Variants in SNCAIP observed in about 807,000 individuals in gnomAD.
SNCAIP encodes synuclein alpha interacting protein, also known as synphilin-1.
Under a neutral mutation model 86.7 loss-of-function variants are expected in SNCAIP, and 43 were observed. The observed-to-expected ratio is 0.50, with a 90% confidence interval of 0.39 to 0.64. SNCAIP has a LOEUF of 0.64. SNCAIP is among the 30% of genes least tolerant of loss of function. SNCAIP has a pLI of 0.00. For missense variants in SNCAIP, 981 were observed against 1,103.1 expected (o/e 0.89, Z 1.57); for synonymous variants, 417 against 427.2 (o/e 0.98, Z 0.29).
rs553473278 is a variant in SNCAIP, at chr5:122,425,419, C to T, written c.1070C>T (p.Ala357Val). Residue 357 changes from alanine (A) to valine (V), a missense_variant, in exon 5 of 11, where the codon GCG becomes GTG. Transcript: ENST00000261368. Reference sequence around the variant, plus strand: ...AATGGAAACAATCTATTACATATTGCGGCGTCACAGGGACACGCAGAGTGT... The same window carrying T: ...AATGGAAACAATCTATTACATATTGTGGCGTCACAGGGACACGCAGAGTGT... ...DENGNNLLHI[A>V]ASQGHAECLQ... is the part of the protein sequence containing the mutation. 36 of 1,613,600 alleles carry T rather than the reference C, an allele frequency of 2.2e-5. No homozygotes were observed. Among genetic ancestry groups the T allele is most frequent in the African/African-American group, 2.7e-5 (2 of 75,026 alleles).
At position 122,440,765 on chromosome 5, in the gene SNCAIP, C is replaced by T; in HGVS notation, c.1422+11C>T. ...CTTGGATGCATACAGGTACACAGGC[C>T]CTGCTGTTTTGCAATGAGAAATGAG... On this transcript the variant is annotated intron_variant, in intron 7 of 10. Transcript: ENST00000261368. 1 of 1,613,374 alleles carries T rather than the reference C, an allele frequency of 6.2e-7. No individual in the cohort carries two copies. The highest frequency in any genetic ancestry group is 8.5e-7 in the Non-Finnish European group (1 of 1,179,368).
chr5:122,359,015 T>A (rs1761670184), intron 1 of SNCAIP, among the ~76,000 whole-genome samples: 1 of 147,836 alleles, frequency 6.8e-6, no homozygotes, highest in Non-Finnish European at 1.5e-5. Flanking sequence ...GTTTCTTAAA[T>A]CTAATGTTTT....
At chr5:122,448,740 TAC>T (rs1228270938) in intron 8 of SNCAIP, among the ~76,000 whole-genome samples, 22 of 142,412 alleles carry the variant, frequency 1.5e-4, no homozygotes, top group Non-Finnish European at 2.7e-4. Flanking sequence ...TATATATATA[TAC>T]ACACACACAC....
chr5:122,365,745 T>C (rs1265613618), intron 1 of SNCAIP, among the ~76,000 whole-genome samples: 1 of 152,196 alleles, frequency 6.6e-6, no homozygotes, highest in Non-Finnish European at 1.5e-5. Flanking sequence ...TACTTTTCCA[T>C]TCATTCAAAA....
intron 10 of SNCAIP, among the ~76,000 whole-genome samples, chr5:122,458,639 C>T (rs533957808): frequency 7.2e-5 from 11 of 152,324 alleles, no homozygotes; most frequent in African/African-American, 1.9e-4. Context: ...TTCGTTCCCA[C>T]GCTGAGGACA....
Position 122,320,363 on chromosome 5 carries a change from T to G in SNCAIP, c.-47+8079T>G, listed in dbSNP as rs112658054. Among the ~76,000 whole-genome samples, 1,273 of 152,250 alleles carry G rather than the reference T, an allele frequency of 8.4e-3. 12 individuals carry two copies. Among genetic ancestry groups the G allele is most frequent in the African/African-American group, 0.028 (1,182 of 41,532 alleles). ...CCATGTGACCCCTCTTCCACAGTAT[T>G]TATTGAGGCCTGTATTCTGGGCTCT... On this transcript the variant is annotated intron_variant, in intron 1 of 10. Coordinates refer to ENST00000261368, the MANE Select transcript of SNCAIP (RefSeq NM_005460.4).
intron 7 of SNCAIP, chr5:122,444,224 G>A (rs773175384): frequency 4.4e-5 from 21 of 481,416 alleles, no homozygotes; most frequent in Non-Finnish European, 8.2e-5. Flanking sequence ...CCTCTTACAG[G>A]CATCTCTGAC....
At chr5:122,390,401 G>A (rs976015068) in intron 1 of SNCAIP, among the ~76,000 whole-genome samples, 6 of 152,116 alleles carry the variant, frequency 3.9e-5, no homozygotes, top group Admixed American at 1.3e-4. Flanking sequence ...TGCCCCAGGC[G>A]GCCCTGAGGC....
intron 1 of SNCAIP, among the ~76,000 whole-genome samples, chr5:122,387,130 A>T (rs1768325851): frequency 6.6e-6 from 1 of 152,090 alleles, no homozygotes; most frequent in Non-Finnish European, 1.5e-5. Context: ...GCATAGCAAT[A>T]AAAATCCTAT....
intron 9 of SNCAIP, among the ~76,000 whole-genome samples, chr5:122,450,234 T>C (rs1165880220): frequency 1.3e-5 from 2 of 152,168 alleles, no homozygotes; most frequent in Non-Finnish European, 2.9e-5. Flanking sequence ...GAGATATATA[T>C]ATATAGCTTG....
At chr5:122,363,707 T>C (rs1762625234) in intron 1 of SNCAIP, among the ~76,000 whole-genome samples, 1 of 151,488 alleles carries the variant, frequency 6.6e-6, no homozygotes, top group Non-Finnish European at 1.5e-5. Context: ...CCCCTCTTGG[T>C]TGGTTTAATA....
intron 1 of SNCAIP, among the ~76,000 whole-genome samples, chr5:122,317,387 T>C (rs1751980785): frequency 6.6e-6 from 1 of 152,224 alleles, no homozygotes; most frequent in South Asian, 2.1e-4. Context: ...TGGCAAAATT[T>C]TCATCTGCAG....
chr5:122,451,671 T>G, intron 10 of SNCAIP, 70 bp downstream of exon 10: 1 of 1,207,654 alleles, frequency 8.3e-7, no homozygotes. Flanking sequence ...TATCACAGAT[T>G]GTGGGCCCAC....
intron 10 of SNCAIP, among the ~76,000 whole-genome samples, chr5:122,463,177 C>T (rs1239306256): frequency 6.6e-6 from 1 of 152,176 alleles, no homozygotes; most frequent in African/African-American, 2.4e-5. Context: ...TACTATACTT[C>T]CTATCTTGTT....
At chr5:122,437,931 C>T (rs1779901998) in intron 6 of SNCAIP, among the ~76,000 whole-genome samples, 1 of 152,144 alleles carries the variant, frequency 6.6e-6, no homozygotes, top group South Asian at 2.1e-4. Flanking sequence ...ATTCCATTGC[C>T]TATAACCCCA....
intron 1 of SNCAIP, among the ~76,000 whole-genome samples, chr5:122,332,359 A>C (rs952725521): frequency 6.6e-6 from 1 of 152,226 alleles, no homozygotes; most frequent in Non-Finnish European, 1.5e-5. Context: ...TCACTAAATA[A>C]CAGAAATGAG....
At chr5:122,460,990 G>A (rs1360700096) in intron 10 of SNCAIP, among the ~76,000 whole-genome samples, 1 of 152,120 alleles carries the variant, frequency 6.6e-6, no homozygotes, top group Admixed American at 6.5e-5. Context: ...TCCTGAACCT[G>A]TCTTTTCCTT....
chr5:122,338,302 A>T (rs931273526), intron 1 of SNCAIP, among the ~76,000 whole-genome samples: 1 of 152,194 alleles, frequency 6.6e-6, no homozygotes, highest in Non-Finnish European at 1.5e-5. Context: ...AGATAGAGGG[A>T]TGTAGATATA....
At chr5:122,391,274 T>C (rs1769289065) in intron 2 of SNCAIP, 83 bp downstream of exon 2, 1 of 980,332 alleles carries the variant, frequency 1.0e-6, no homozygotes, top group South Asian at 1.3e-5. Flanking sequence ...ATAGTCTATA[T>C]ATCCTCAACT....
Sources: allele counts gnomAD v4.1 joint callset (sites outside exome capture counted in the v4.1 genomes callset), GRCh38; gene constraint gnomAD v4.1.1; transcripts MANE v1.5; gene names NCBI Gene and HGNC (gene_info 2026-07-23, HGNC 2026-07-21).